The following PLD5 variants were observed in gnomAD, a reference collection of about 807,000 sequenced individuals.
PLD5 encodes the protein phospholipase D family member 5, also known as inactive phospholipase D5.
PLD5 carries 36 observed loss-of-function variants against 61.1 expected under a neutral mutation model. The observed-to-expected ratio is 0.59, with a 90% CI of 0.45 to 0.78. The LOEUF (loss-of-function observed/expected upper bound fraction) is 0.78. Among genes scored for constraint, PLD5 ranks in the 30% least tolerant of loss-of-function variants. The probability of loss-of-function intolerance (pLI) is 0.00; values close to 1 mark genes in which losing one functional copy is unlikely to be tolerated. For synonymous variants in PLD5, 243 were observed against 242.8 expected, an observed-to-expected ratio of 1.00 and a Z score of -0.01; for missense variants, 515 against 644.4, an observed-to-expected ratio of 0.80 and a Z score of 2.17.
intron 1 of PLD5, among the ~76,000 whole-genome samples, chr1:242,399,036 A>T (rs556339536): frequency 1.3e-5 from 2 of 152,312 alleles, no homozygotes; most frequent in South Asian, 4.1e-4. Flanking sequence ...GTTGAACAAG[A>T]AGTGAAGTGA....
chr1:242,122,101 A>G (rs1328105590), intron 6 of PLD5, among the ~76,000 whole-genome samples: 1 of 152,224 alleles, frequency 6.6e-6, no homozygotes, highest in Admixed American at 6.5e-5. Context: ...TAAACAAAAG[A>G]AAAGGTATTA....
At chr1:242,340,175 GCCCTGGAAAT>G (rs1393201295) in intron 2 of PLD5, among the ~76,000 whole-genome samples, 2 of 152,118 alleles carry the variant, frequency 1.3e-5, no homozygotes, top group Non-Finnish European at 2.9e-5. Context: ...TTCATTTAGT[GCCCTGGAAAT>G]CCATTTGTAG....
At chr1:242,407,279 CTG>C (rs3033870) in intron 1 of PLD5, among the ~76,000 whole-genome samples, 58,094 of 149,202 alleles carry the variant, frequency 0.39, 11,679 homozygotes, top group African/African-American at 0.5. Context: ...CCACGTGGAA[CTG>C]TGAGTCCATT....
At chr1:242,227,505 C>CA (rs1205970871) in intron 4 of PLD5, among the ~76,000 whole-genome samples, 1 of 152,122 alleles carries the variant, frequency 6.6e-6, no homozygotes, top group African/African-American at 2.4e-5. Flanking sequence ...GCTGGGACTA[C>CA]AGGCACACAC....
intron 5 of PLD5, among the ~76,000 whole-genome samples, chr1:242,167,101 AATAATAATAATAAT>A (rs1558297175): frequency 6.8e-5 from 10 of 146,396 alleles, no homozygotes; most frequent in African/African-American, 2.2e-4. Context: ...TAATAATAAT[AATAATAATAATAAT>A]AAATAGTAGC....
intron 1 of PLD5, among the ~76,000 whole-genome samples, chr1:242,489,649 TA>T (rs1216509300): frequency 2.0e-5 from 3 of 152,112 alleles, no homozygotes; most frequent in Non-Finnish European, 1.5e-5. Flanking sequence ...AATGTTACAT[TA>T]AAAAACAATA....
intron 2 of PLD5, among the ~76,000 whole-genome samples, chr1:242,307,576 T>C (rs1676453936): frequency 1.3e-5 from 2 of 152,140 alleles, no homozygotes; most frequent in South Asian, 4.1e-4. Flanking sequence ...AAATCTTGTC[T>C]GTCTGCCACT....
At chr1:242,103,874 A>G (rs72761220) in intron 8 of PLD5, among the ~76,000 whole-genome samples, 20 of 152,118 alleles carry the variant, frequency 1.3e-4, no homozygotes, top group Non-Finnish European at 2.2e-4. Context: ...TCTATTATCC[A>G]TCAATGTTAC....
chr1:242,156,678 C>A (rs542302027), intron 5 of PLD5, among the ~76,000 whole-genome samples: 1 of 152,276 alleles, frequency 6.6e-6, no homozygotes, highest in East Asian at 1.9e-4. Flanking sequence ...AGAATATTAG[C>A]CCCTACTCTC....
intron 1 of PLD5, among the ~76,000 whole-genome samples, chr1:242,434,609 T>TTTTA (rs906002642): frequency 3.7e-4 from 57 of 152,054 alleles, no homozygotes; most frequent in African/African-American, 1.3e-3. Context: ...CCTTGTTTTA[T>TTTTA]TTTATTTATT....
intron 5 of PLD5, chr1:242,188,769 T>C (rs1429938648): frequency 6.6e-6 from 1 of 152,178 alleles, no homozygotes; most frequent in East Asian, 1.9e-4. Context: ...TTGCAGAAGG[T>C]TGTCCTCTTC....
chr1:242,184,383 TA>T (rs1558317018), intron 5 of PLD5, among the ~76,000 whole-genome samples: 1 of 152,164 alleles, frequency 6.6e-6, no homozygotes, highest in Non-Finnish European at 1.5e-5. Context: ...CTTCTTTTTT[TA>T]AAATTATTTT....
intron 6 of PLD5, among the ~76,000 whole-genome samples, chr1:242,116,511 G>A (rs559175945): frequency 2.4e-4 from 36 of 152,256 alleles, no homozygotes; most frequent in Admixed American, 2.2e-3. Flanking sequence ...AACTGATCCC[G>A]TCACCCAGGT....
chr1:242,276,880 C>T (rs1248248463), intron 3 of PLD5, among the ~76,000 whole-genome samples: 1 of 152,054 alleles, frequency 6.6e-6, no homozygotes, highest in Admixed American at 6.5e-5. Flanking sequence ...TCATCAAGGC[C>T]TTGCTTAATG....
At chr1:242,292,014 C>T (rs778653748) in intron 2 of PLD5, among the ~76,000 whole-genome samples, 2 of 151,940 alleles carry the variant, frequency 1.3e-5, no homozygotes, top group African/African-American at 2.4e-5. Flanking sequence ...GAGAGGGGTC[C>T]AGGAGAAGCA....
rs1415614776 is a variant in PLD5 at position 242,356,876 on chromosome 1, A to G, written c.190-8634T>C. On this transcript the variant is annotated intron_variant, in intron 1 of 9. Coordinates refer to ENST00000536534, the MANE Select transcript of PLD5 (RefSeq NM_001372062.1). ...TCCAAATTAACATTTTATAATATAT[A>G]TCTCCTGACAATTTATTTTAGCTAT... Among the ~76,000 whole-genome samples the G allele has an allele frequency of 4.6e-5, 7 of 152,182 alleles. No individual in the cohort carries two copies. In the South Asian group the frequency reaches 6.2e-4, roughly 13 times the overall value.
At chr1:242,158,826 A>G (rs536596260) in intron 5 of PLD5, among the ~76,000 whole-genome samples, 6 of 152,130 alleles carry the variant, frequency 3.9e-5, no homozygotes, top group African/African-American at 1.4e-4. Flanking sequence ...CTATTGACCT[A>G]CCTTCAAGTT....
intron 1 of PLD5, among the ~76,000 whole-genome samples, chr1:242,389,987 T>A (rs142363057): frequency 1.3e-5 from 2 of 148,838 alleles, no homozygotes; most frequent in African/African-American, 5.0e-5. Flanking sequence ...TATCAAATAC[T>A]CTGCTAGGAA....
intron 1 of PLD5, among the ~76,000 whole-genome samples, chr1:242,422,002 A>G (rs1395589933): frequency 1.3e-5 from 2 of 151,852 alleles, no homozygotes; most frequent in African/African-American, 4.9e-5. Context: ...AAGGAGCGTG[A>G]CTGATTAAGA....
Sources: gnomAD v4.1 joint callset for allele counts (sites outside exome capture counted in the v4.1 genomes callset) on GRCh38, gnomAD v4.1.1 for gene constraint, MANE v1.5 for transcripts, NCBI Gene and HGNC (gene_info 2026-07-23, HGNC 2026-07-21) for gene names.